PCDH9: variants seen among roughly 807,000 people sequenced by gnomAD.
PCDH9 encodes the protein protocadherin-9.
PCDH9 carries 24 observed loss-of-function variants against 70.6 expected under a neutral mutation model. The ratio of observed to expected loss-of-function variants is 0.34; its 90% CI spans 0.25 to 0.48. The LOEUF is 0.48. Ranked by LOEUF, PCDH9 falls within the 20% of genes least tolerant of loss-of-function variation. The pLI, the probability that PCDH9 is intolerant of heterozygous loss-of-function variation, is 0.99. For missense variants in PCDH9, 1,281 were observed against 1,503.6 expected, an observed-to-expected ratio of 0.85 and a Z score of 2.45; for synonymous variants, 562 against 558.5, an observed-to-expected ratio of 1.01 and a Z score of -0.09.
intron 4 of PCDH9, among the ~76,000 whole-genome samples, chr13:66,339,378 T>TG (rs902312675): frequency 1.4e-4 from 21 of 151,962 alleles, no homozygotes; most frequent in Non-Finnish European, 2.4e-4. Flanking sequence ...AGATGTGTGT[T>TG]GGGGGGGTGT....
At chr13:66,808,216 T>C (rs9540919) in intron 3 of PCDH9, among the ~76,000 whole-genome samples, 2 of 151,910 alleles carry the variant, frequency 1.3e-5, no homozygotes, top group Admixed American at 6.6e-5. Context: ...GAGGAAAGAA[T>C]TGTATTTGGG....
chr13:67,223,840 T>A (rs1212546883), intron 2 of PCDH9: 1 of 152,178 alleles, frequency 6.6e-6, no homozygotes, highest in Non-Finnish European at 1.5e-5. Context: ...TAAAACGCTC[T>A]ACTGTTTAAT....
intron 4 of PCDH9, among the ~76,000 whole-genome samples, chr13:66,448,899 A>G (rs954803747): frequency 3.3e-5 from 5 of 152,222 alleles, no homozygotes; most frequent in African/African-American, 1.2e-4. Flanking sequence ...AAGCTGAACA[A>G]ATGGTGATCA....
chr13:66,352,019 A>G (rs189082667), intron 4 of PCDH9, among the ~76,000 whole-genome samples: 3 of 152,212 alleles, frequency 2.0e-5, no homozygotes, highest in Non-Finnish European at 4.4e-5. Context: ...TACTTTTAGT[A>G]GAGGCAGGGT....
chr13:67,121,814 A>G (rs1229669631), intron 2 of PCDH9, among the ~76,000 whole-genome samples: 1 of 152,206 alleles, frequency 6.6e-6, no homozygotes, highest in Non-Finnish European at 1.5e-5. Context: ...GTATATAATC[A>G]TATAGAAGTC....
intron 2 of PCDH9, among the ~76,000 whole-genome samples, chr13:67,050,806 T>C (rs1042430323): frequency 2.0e-5 from 3 of 152,218 alleles, no homozygotes; most frequent in African/African-American, 4.8e-5. Flanking sequence ...TCACAGCAGA[T>C]CCTAGAGCAT....
intron 4 of PCDH9, among the ~76,000 whole-genome samples, chr13:66,569,226 C>A (rs1473872490): frequency 1.3e-5 from 2 of 151,592 alleles, no homozygotes; most frequent in Non-Finnish European, 2.9e-5. Context: ...CCATGTTGGC[C>A]AGGCTTGTCT....
chr13:66,978,853 T>C (rs2083677966), intron 2 of PCDH9, among the ~76,000 whole-genome samples: 1 of 150,952 alleles, frequency 6.6e-6, no homozygotes, highest in South Asian at 2.1e-4. Context: ...TGTATATATG[T>C]ATATTTATAT....
intron 4 of PCDH9, among the ~76,000 whole-genome samples, chr13:66,417,209 G>T (rs1221859738): frequency 1.3e-5 from 2 of 152,034 alleles, no homozygotes; most frequent in East Asian, 3.9e-4. Flanking sequence ...CCCAGTGTAT[G>T]ATTTTCCCCT....
At chr13:67,106,101 T>C (rs2086535891) in intron 2 of PCDH9, among the ~76,000 whole-genome samples, 1 of 152,116 alleles carries the variant, frequency 6.6e-6, no homozygotes, top group South Asian at 2.1e-4. Flanking sequence ...ATATTGATGT[T>C]AGAATTAAGG....
chr13:67,160,584 T>A (rs933093599), intron 2 of PCDH9, among the ~76,000 whole-genome samples: 7 of 152,130 alleles, frequency 4.6e-5, no homozygotes, highest in East Asian at 1.9e-4. Context: ...CTATTTTTTT[T>A]TTTTATTTTA....
At chr13:67,042,158 A>G (rs2085131586) in intron 2 of PCDH9, among the ~76,000 whole-genome samples, 1 of 152,128 alleles carries the variant, frequency 6.6e-6, no homozygotes, top group African/African-American at 2.4e-5. Context: ...CGTGAAAGAG[A>G]AGTACAGTTG....
chr13:66,519,667 C>T (rs1959899553), intron 4 of PCDH9, among the ~76,000 whole-genome samples: 1 of 152,102 alleles, frequency 6.6e-6, no homozygotes, highest in African/African-American at 2.4e-5. Flanking sequence ...CATGCCAGTT[C>T]CCTTCCCTGC....
chr13:66,434,110 AT>A (rs1319241417), intron 4 of PCDH9, among the ~76,000 whole-genome samples: 1 of 151,960 alleles, frequency 6.6e-6, no homozygotes, highest in Non-Finnish European at 1.5e-5. Context: ...ATGTAAGGTT[AT>A]CAAGACATTA....
intron 2 of PCDH9, among the ~76,000 whole-genome samples, chr13:67,081,385 A>G (rs1049260500): frequency 6.6e-6 from 1 of 152,176 alleles, no homozygotes; most frequent in African/African-American, 2.4e-5. Flanking sequence ...CCTGACCAAC[A>G]TGGTGAAACT....
At chr13:66,811,102 A>T (rs962732832) in intron 3 of PCDH9, among the ~76,000 whole-genome samples, 67 of 152,168 alleles carry the variant, frequency 4.4e-4, no homozygotes, top group Middle Eastern at 6.3e-3. Context: ...CCTATTAAAA[A>T]TTTTTCCTCA....
At chr13:66,344,373 A>G (rs1169561756) in intron 4 of PCDH9, among the ~76,000 whole-genome samples, 1 of 152,060 alleles carries the variant, frequency 6.6e-6, no homozygotes, top group Non-Finnish European at 1.5e-5. Flanking sequence ...TGATCCACCC[A>G]TCTCTGCCTC....
At chr13:66,525,078 G>C (rs1405245613) in intron 4 of PCDH9, among the ~76,000 whole-genome samples, 1 of 151,958 alleles carries the variant, frequency 6.6e-6, no homozygotes, top group African/African-American at 2.4e-5. Flanking sequence ...TTAATTTGTG[G>C]TTCTAACCTC....
chr13:66,985,300 C>G (rs1360914755), intron 2 of PCDH9, among the ~76,000 whole-genome samples: 1 of 151,958 alleles, frequency 6.6e-6, no homozygotes, highest in Non-Finnish European at 1.5e-5. Context: ...TAGGAAAGTA[C>G]CTTTGGGCAT....
Sources: allele counts gnomAD v4.1 joint callset (sites outside exome capture counted in the v4.1 genomes callset), GRCh38; gene constraint gnomAD v4.1.1; transcripts MANE v1.5; gene names NCBI Gene and HGNC (gene_info 2026-07-23, HGNC 2026-07-21).